Variants in DSCAM observed in about 807,000 individuals in gnomAD.
DSCAM encodes cell adhesion molecule DSCAM.
Under a neutral mutation model 217.7 loss-of-function variants are expected in DSCAM, and 47 were observed. That is an observed-to-expected ratio of 0.22 (90% confidence interval 0.17 to 0.28). DSCAM has a LOEUF of 0.28. Ranked by LOEUF, DSCAM falls within the 10% of genes least tolerant of loss-of-function variation. DSCAM has a pLI of 1.00. For missense variants in DSCAM, 2,080 were observed against 2,618.3 expected, an observed-to-expected ratio of 0.79 and a Z score of 4.49; for synonymous variants, 1,056 against 1,015.3, an observed-to-expected ratio of 1.04 and a Z score of -0.76.
intron 3 of DSCAM, among the ~76,000 whole-genome samples, chr21:40,505,679 A>G (rs2146045071): frequency 6.6e-6 from 1 of 152,364 alleles, no homozygotes; most frequent in East Asian, 1.9e-4. Flanking sequence ...GCTAAGGTAC[A>G]GGGTGGCTGT....
intron 10 of DSCAM, among the ~76,000 whole-genome samples, chr21:40,279,235 T>C (rs2073727834): frequency 6.6e-6 from 1 of 152,260 alleles, no homozygotes; most frequent in Admixed American, 6.5e-5. Flanking sequence ...ACCATTTTTA[T>C]CCCTAAATCT....
intron 3 of DSCAM, among the ~76,000 whole-genome samples, chr21:40,559,173 A>AGATAGTAC (rs764772659): frequency 3.9e-5 from 6 of 152,070 alleles, no homozygotes; most frequent in Non-Finnish European, 7.4e-5. Flanking sequence ...CTCCAGTTAA[A>AGATAGTAC]GTAGGCCGGG....
chr21:40,275,937 T>C (rs1300832653), intron 11 of DSCAM, among the ~76,000 whole-genome samples, 160 bp downstream of exon 11: 3 of 152,222 alleles, frequency 2.0e-5, no homozygotes, highest in Admixed American at 2.0e-4. Context: ...TCTTCAATCA[T>C]GTTTCCAGAA....
intron 3 of DSCAM, among the ~76,000 whole-genome samples, chr21:40,459,498 G>A (rs951150165): frequency 6.6e-6 from 1 of 152,150 alleles, no homozygotes; most frequent in Non-Finnish European, 1.5e-5. Context: ...GCCTAAGTAT[G>A]TACAAAGAAG....
intron 3 of DSCAM, among the ~76,000 whole-genome samples, chr21:40,638,653 G>C (rs1241770086): frequency 6.6e-6 from 1 of 152,170 alleles, no homozygotes; most frequent in Non-Finnish European, 1.5e-5. Flanking sequence ...GGAATGGGTA[G>C]TACTCACTGT....
chr21:40,703,054 C>T (rs1314847582), intron 2 of DSCAM, among the ~76,000 whole-genome samples: 2 of 151,984 alleles, frequency 1.3e-5, no homozygotes, highest in East Asian at 3.9e-4. Flanking sequence ...GATTTAGATA[C>T]TCATGTAGTT....
At chr21:40,760,982 A>G (rs1335834003) in intron 1 of DSCAM, among the ~76,000 whole-genome samples, 5 of 152,202 alleles carry the variant, frequency 3.3e-5, no homozygotes, top group African/African-American at 1.2e-4. Context: ...ACATTCCCAA[A>G]GCACAACTTG....
intron 3 of DSCAM, among the ~76,000 whole-genome samples, chr21:40,548,064 C>T (rs1209886917): frequency 2.6e-5 from 4 of 152,078 alleles, no homozygotes; most frequent in Admixed American, 6.5e-5. Context: ...GGGAGAGAGC[C>T]GGTTGGTTAA....
At chr21:40,477,540 T>G (rs928367006) in intron 3 of DSCAM, among the ~76,000 whole-genome samples, 55 of 152,318 alleles carry the variant, frequency 3.6e-4, no homozygotes, top group African/African-American at 1.2e-3. Context: ...ACTTACATCC[T>G]TTCCAGAGAA....
intron 10 of DSCAM, among the ~76,000 whole-genome samples, chr21:40,286,064 G>C (rs1438643162): frequency 6.6e-6 from 1 of 152,168 alleles, no homozygotes; most frequent in African/African-American, 2.4e-5. Context: ...GGCATGGTGA[G>C]AGCACTGAAT....
Position 40,364,295 on chromosome 21 carries a change from T to C in DSCAM, c.655+4804A>G, listed in dbSNP as rs537340017. 2.8e-4 allele frequency among the ~76,000 whole-genome samples: 42 copies of C among 152,186 alleles called. 2 individuals are homozygous for C. The South Asian group carries it at 6.7e-3, about 24-fold the overall frequency. On this transcript the variant is annotated intron_variant, in intron 4 of 32. Coordinates refer to ENST00000400454, the MANE Select transcript of DSCAM (RefSeq NM_001389.5). ...AACCAACCCAAATGCCCAACAATGA[T>C]AGACTGGATTAAGAAAAAGTGGCAC... is the stretch of plus-strand genomic sequence containing the variant.
intron 6 of DSCAM, among the ~76,000 whole-genome samples, chr21:40,345,512 C>CT (rs1333900620): frequency 6.6e-6 from 1 of 151,988 alleles, no homozygotes; most frequent in Non-Finnish European, 1.5e-5. Context: ...TTTTATTATT[C>CT]TTTTTTAAAA....
At chr21:40,406,508 C>G (rs568499337) in intron 3 of DSCAM, among the ~76,000 whole-genome samples, 2 of 152,270 alleles carry the variant, frequency 1.3e-5, no homozygotes, top group East Asian at 3.9e-4. Context: ...ATGGATAAAC[C>G]TGAAGGACAT....
At chr21:40,664,011 A>G (rs995593701) in intron 3 of DSCAM, among the ~76,000 whole-genome samples, 5 of 152,240 alleles carry the variant, frequency 3.3e-5, no homozygotes, top group African/African-American at 4.8e-5. Context: ...AGGCTTATAA[A>G]TATGTTTTCA....
intron 3 of DSCAM, among the ~76,000 whole-genome samples, chr21:40,579,274 C>CAAAA (rs35181324): frequency 6.7e-6 from 1 of 149,056 alleles, no homozygotes. Context: ...AAAGCAGATC[C>CAAAA]AAAAAAAAAC....
intron 3 of DSCAM, among the ~76,000 whole-genome samples, chr21:40,668,493 T>C (rs1443820168): frequency 3.3e-5 from 5 of 152,210 alleles, no homozygotes; most frequent in African/African-American, 1.2e-4. Context: ...GGGGTTGTAA[T>C]GAACAACCAG....
At position 40,142,657 on chromosome 21, in the gene DSCAM, C is replaced by T. The variant is rs1320437906; in HGVS notation, c.3307G>A (p.Glu1103Lys). The stretch of plus-strand genomic sequence containing the variant: ...GTGGACCAGGATATTGATATGCTTT[C>T]TGGTGATGTTGCTATGGCTTGGACA... ...ENVQAIATSP[E>K]SISISWSTLS... Residue 1103 changes from glutamate to lysine, a missense_variant, in exon 18 of 33, where the codon GAA (glutamate) becomes AAA (lysine). Physicochemically the swap from Glu to Lys is moderately conservative, Grantham distance 56 (BLOSUM62 1). This residue lies in a region of DSCAM where 1,144 missense variants were observed against 1,421.1 expected (regional missense o/e 0.81). Coordinates refer to ENST00000400454, the MANE Select transcript of DSCAM (RefSeq NM_001389.5). 4 of 1,614,178 alleles carry T rather than the reference C, an allele frequency of 2.5e-6. No homozygotes were observed. In the Admixed American group the frequency reaches 5.0e-5, roughly 20 times the overall value.
At chr21:40,762,159 A>C (rs1028297525) in intron 1 of DSCAM, among the ~76,000 whole-genome samples, 4 of 152,166 alleles carry the variant, frequency 2.6e-5, no homozygotes, top group African/African-American at 9.7e-5. Context: ...TCAAAAAATT[A>C]ATGAATCCAG....
intron 16 of DSCAM, among the ~76,000 whole-genome samples, chr21:40,162,408 C>A (rs62235665): frequency 0.06 from 9,143 of 152,232 alleles, 379 homozygotes; most frequent in African/African-American, 0.12. Context: ...TTCCAAGGTA[C>A]CTTGCACTTC....
Sources: allele counts gnomAD v4.1 joint callset (sites outside exome capture counted in the v4.1 genomes callset), GRCh38; gene constraint gnomAD v4.1.1; regional missense constraint gnomAD v4.1.1; transcripts MANE v1.5; gene names NCBI Gene and HGNC (gene_info 2026-07-23, HGNC 2026-07-21).